PXN: variants seen among roughly 807,000 people sequenced by gnomAD.
PXN encodes paxillin.
In PXN, 61 loss-of-function variants were observed where a neutral mutation model predicts 103.6. The ratio of observed to expected loss-of-function variants is 0.59; its 90% CI spans 0.48 to 0.73. PXN has a LOEUF of 0.73. PXN is among the 30% of genes least tolerant of loss of function. The probability of loss-of-function intolerance (pLI) is 0.00; values close to 1 mark genes in which losing one functional copy is unlikely to be tolerated. For missense variants in PXN, 1,274 were observed against 1,460.3 expected (o/e 0.87, Z 2.08); for synonymous variants, 562 against 607.8 (o/e 0.92, Z 1.11).
chr12:120,243,336 G>A (rs1890486310), intron 1 of PXN, among the ~76,000 whole-genome samples: 1 of 152,184 alleles, frequency 6.6e-6, no homozygotes, highest in Non-Finnish European at 1.5e-5. Context: ...ATTACAGAAT[G>A]ACCATTTAAG....
In PXN at chr12:120,217,228, G is replaced by C; in HGVS notation, c.1717-112C>G. Reference sequence around the variant, plus strand: ...GGGAGCACAAAAGAAAACCACCAAAGAACCAAGCGGAGGTGGGTGGAGGCA... The same window carrying C: ...GGGAGCACAAAAGAAAACCACCAAACAACCAAGCGGAGGTGGGTGGAGGCA... On this transcript the variant is annotated intron_variant, in intron 7 of 14. Transcript: ENST00000637617. This position sits in a 1 kb window ranked among gnomAD's most constrained non-coding sequence, Gnocchi z 4.1. The C allele has an allele frequency of 4.9e-4, 431 of 886,338 alleles. No homozygotes were observed. Among genetic ancestry groups the C allele is most frequent in the East Asian group, 5.1e-4 (17 of 33,136 alleles). The allele number at this position is 886,338 out of a possible 1,614,324, so 54.9% of individuals were successfully genotyped here.
At chr12:120,237,148 TACACACACACACACACAC>T (rs201905149) in intron 1 of PXN, among the ~76,000 whole-genome samples, 2 of 137,552 alleles carry the variant, frequency 1.5e-5, no homozygotes, top group African/African-American at 2.8e-5. Flanking sequence ...TGTGTGTGTA[TACACACACACACACACAC>T]ACACACACAC....
chr12:120,227,960 G>A (rs1887235612), intron 1 of PXN, among the ~76,000 whole-genome samples: 1 of 152,202 alleles, frequency 6.6e-6, no homozygotes, highest in Non-Finnish European at 1.5e-5. Flanking sequence ...CTTGAAGGCA[G>A]AGCCCCATCC....
Position 120,215,919 on chromosome 12 carries a change from TGAG to T in PXN, c.2302-261_2302-259del, listed in dbSNP as rs1566361425. On this transcript the variant is annotated intron_variant, in intron 9 of 14. Coordinates refer to ENST00000637617, the MANE Select transcript of PXN (RefSeq NM_001385981.1). The surrounding 1 kb of genome is among the most constrained non-coding windows in gnomAD (Gnocchi z 4.9). ...AAGGGGAGGTGGCCGGGCTCAGTGATGAGGCCTCACCGGGCGCTGGGCCTGGGG... is the reference window on the plus strand; with the variant it reads ...AAGGGGAGGTGGCCGGGCTCAGTGATGCCTCACCGGGCGCTGGGCCTGGGG... 7.2e-7 allele frequency: 1 copy of T among 1,394,100 alleles called. No homozygotes were observed. The highest frequency in any genetic ancestry group is 1.5e-5 in the African/African-American group (1 of 67,914). The allele number at this position is 1,394,100 out of a possible 1,614,324, so 86.4% of individuals were successfully genotyped here. A position where few individuals can be genotyped will look rare whatever the true frequency, so the allele number is the denominator to read the frequency against.
At position 120,222,441 on chromosome 12, in the gene PXN, C is replaced by T; in HGVS notation, c.695+108G>A. ...TATCCCCCCAGTGCCTGGCAAATGG[C>T]AGACACGGGAGGGAGTGGGTGATAC... On this transcript the variant is annotated intron_variant, in intron 5 of 14. Transcript: ENST00000637617. This position sits in a 1 kb window ranked among gnomAD's most constrained non-coding sequence, Gnocchi z 4.7. 7.9e-7 allele frequency: 1 copy of T among 1,260,792 alleles called. No individual in the cohort carries two copies. Among genetic ancestry groups the T allele is most frequent in the Non-Finnish European group, 1.1e-6 (1 of 927,604 alleles). The allele number at this position is 1,260,792 out of a possible 1,614,324, so 78.1% of individuals were successfully genotyped here. A position where few individuals can be genotyped will look rare whatever the true frequency, so the allele number is the denominator to read the frequency against.
Position 120,217,138 on chromosome 12 carries a change from G to A in PXN, c.1717-22C>T, listed in dbSNP as rs768418791. 29 of 1,547,268 alleles carry A rather than the reference G, an allele frequency of 1.9e-5. No individual in the cohort carries two copies. The Admixed American group carries it at 5.2e-4, about 28-fold the overall frequency. On this transcript the variant is annotated intron_variant, in intron 7 of 14. Transcript: ENST00000637617. This position sits in a 1 kb window ranked among gnomAD's most constrained non-coding sequence, Gnocchi z 4.1. ...GGATCTAGGGGGAGGGGGAGGGGAG[G>A]CTGTCACCGTCCCACTCCCAGCTTG...
At position 120,214,139 on chromosome 12, in the gene PXN, C is replaced by G. The variant is rs964600835; in HGVS notation, c.2827G>C (p.Glu943Gln). 10 of 1,552,792 alleles carry G rather than the reference C, an allele frequency of 6.4e-6. No homozygotes were observed. In the African/African-American group the frequency reaches 1.1e-4, roughly 17 times the overall value. Residue 943 changes from glutamate (E) to glutamine (Q), a missense_variant, in exon 13 of 15, where the codon GAA (glutamate) becomes CAA (glutamine). Physicochemically the swap from Glu to Gln is conservative, Grantham distance 29 (BLOSUM62 2). Coordinates refer to ENST00000637617, the MANE Select transcript of PXN (RefSeq NM_001385981.1). The surrounding 1 kb of genome is among the most constrained non-coding windows in gnomAD (Gnocchi z 5.0). The stretch of plus-strand genomic sequence containing the variant: ...AGTCCGCCGGTCCAGCCCGTACCTT[C>G]GGGACCAAAGAAGGCTCCACACTGT... ...CAQCGAFFGP[E>Q]GFHEKDGKAY...
intron 1 of PXN, among the ~76,000 whole-genome samples, chr12:120,239,311 G>A (rs890899324): frequency 4.6e-5 from 7 of 152,094 alleles, no homozygotes; most frequent in Middle Eastern, 6.8e-3. Context: ...AGGCCAGGCG[G>A]GGTGGCTCAC....
intron 1 of PXN, among the ~76,000 whole-genome samples, chr12:120,259,677 T>C (rs901112305): frequency 3.3e-5 from 5 of 152,080 alleles, no homozygotes; most frequent in Non-Finnish European, 5.9e-5. Flanking sequence ...GGTTAGTTAG[T>C]TGGAAGACTT....
chr12:120,225,996 A>G lies in PXN; in HGVS notation c.14-1619T>C, dbSNP rs1886767297. 1.3e-5 allele frequency: 13 copies of G among 1,012,376 alleles called. No homozygotes were observed. The highest frequency in any genetic ancestry group is 1.6e-5 in the Non-Finnish European group (13 of 821,186). The allele number at this position is 1,012,376 out of a possible 1,614,324, so 62.7% of individuals were successfully genotyped here. On this transcript the variant is annotated intron_variant, in intron 1 of 14. Coordinates refer to ENST00000637617, the MANE Select transcript of PXN (RefSeq NM_001385981.1). This position sits in a 1 kb window ranked among gnomAD's most constrained non-coding sequence, Gnocchi z 4.4. ...GGTCGCCTGACCTCCAAGGAAGTTC[A>G]GGTCCTACAGCCCGCCCCGCCCTCC... is the stretch of plus-strand genomic sequence containing the variant.
chr12:120,256,827 C>T (rs1464616712), intron 1 of PXN, among the ~76,000 whole-genome samples: 1 of 152,140 alleles, frequency 6.6e-6, no homozygotes, highest in African/African-American at 2.4e-5. Context: ...AAGGAATTCT[C>T]CTGCCTCAGC....
Position 120,262,093 on chromosome 12 carries a change from A to T in PXN, c.13+3524T>A, listed in dbSNP as rs78693698. On this transcript the variant is annotated intron_variant, in intron 1 of 14. Coordinates refer to ENST00000637617, the MANE Select transcript of PXN (RefSeq NM_001385981.1). ...AGAGGGACCACAGACAGGAAAGCCC[A>T]AAGTCCAGACTTTCCATGGAAACAG... Among the ~76,000 whole-genome samples, 1,196 of 152,324 alleles carry T rather than the reference A, an allele frequency of 7.9e-3. 26 individuals carry two copies. In the East Asian group the frequency reaches 0.1, roughly 13 times the overall value.
intron 3 of PXN, 83 bp downstream of exon 3, chr12:120,223,635 G>T: frequency 9.2e-7 from 1 of 1,084,824 alleles, no homozygotes; most frequent in Non-Finnish European, 1.3e-6. Context: ...CCTGCTCCCG[G>T]GCCTCCGCTG....
intron 1 of PXN, among the ~76,000 whole-genome samples, chr12:120,252,922 C>A (rs1892414945): frequency 6.7e-6 from 1 of 149,678 alleles, no homozygotes; most frequent in Admixed American, 6.7e-5. Flanking sequence ...TGCTTGAACC[C>A]AGGAGGCGGA....
rs1227336407 is a variant in PXN, at chr12:120,214,753, C to T, written c.2748+72G>A. The T allele has an allele frequency of 5.1e-6, 8 of 1,578,228 alleles. No homozygotes were observed. Among genetic ancestry groups the T allele is most frequent in the Non-Finnish European group, 6.9e-6 (8 of 1,156,302 alleles). Reference sequence around the variant, plus strand: ...CCTCTCTGAGCCTCCCACGGCACCCCCTGCATCCTCAGAGGGCTGCGGTGA... The same window carrying T: ...CCTCTCTGAGCCTCCCACGGCACCCTCTGCATCCTCAGAGGGCTGCGGTGA... On this transcript the variant is annotated intron_variant, in intron 12 of 14. Transcript: ENST00000637617. The surrounding 1 kb of genome is among the most constrained non-coding windows in gnomAD (Gnocchi z 5.0).
rs375085654 is a variant in PXN, at chr12:120,251,941, C to T, written c.13+13676G>A. On this transcript the variant is annotated intron_variant, in intron 1 of 14. Coordinates refer to ENST00000637617, the MANE Select transcript of PXN (RefSeq NM_001385981.1). ...GATAACCATCACCAGTTACTGAGCA[C>T]TTTGAAAGTATTTCGGGAAAGTATG... Among the ~76,000 whole-genome samples, 120 of 152,300 alleles carry T rather than the reference C, an allele frequency of 7.9e-4. 5 individuals carry two copies. The South Asian group carries it at 0.025, about 32-fold the overall frequency.
rs1206060056 is a variant in PXN at position 120,225,645 on chromosome 12, C to A, written c.14-1268G>T. Among the ~76,000 whole-genome samples, 2 of 152,150 alleles carry A rather than the reference C, an allele frequency of 1.3e-5. No homozygotes were observed. Among genetic ancestry groups the A allele is most frequent in the African/African-American group, 4.8e-5 (2 of 41,438 alleles). ...TGTCTGACTCCTCAGAAGCCCCAAA[C>A]CCCAAAAACCTGGCCTGTAAGAGGC... On this transcript the variant is annotated intron_variant, in intron 1 of 14. Coordinates refer to ENST00000637617, the MANE Select transcript of PXN (RefSeq NM_001385981.1). This position sits in a 1 kb window ranked among gnomAD's most constrained non-coding sequence, Gnocchi z 4.4.
At position 120,224,454 on chromosome 12, in the gene PXN, G is replaced by T; in HGVS notation, c.14-77C>A. ...TCCCGTGGCAGGGCCCTCCCTGCCT[G>T]CACCTCAAGAGTTAATGCCTTCTAG... On this transcript the variant is annotated intron_variant, in intron 1 of 14. Coordinates refer to ENST00000637617, the MANE Select transcript of PXN (RefSeq NM_001385981.1). The surrounding 1 kb of genome is among the most constrained non-coding windows in gnomAD (Gnocchi z 5.0). 9.5e-7 allele frequency: 1 copy of T among 1,048,900 alleles called. No homozygotes were observed. Among genetic ancestry groups the T allele is most frequent in the Non-Finnish European group, 1.5e-6 (1 of 668,894 alleles). The allele number at this position is 1,048,900 out of a possible 1,614,324, so 65.0% of individuals were successfully genotyped here. A position where few individuals can be genotyped will look rare whatever the true frequency, so the allele number is the denominator to read the frequency against.
chr12:120,251,445 AGGT>A (rs1282223004), intron 1 of PXN, among the ~76,000 whole-genome samples: 2 of 151,940 alleles, frequency 1.3e-5, no homozygotes, highest in East Asian at 3.9e-4. Context: ...TGAACATGGG[AGGT>A]GGAGGCTGCA....
Sources: gnomAD v4.1 joint callset for allele counts (sites outside exome capture counted in the v4.1 genomes callset) on GRCh38, gnomAD v4.1.1 for gene constraint, Gnocchi (gnomAD v3.1) non-coding constraint, MANE v1.5 for transcripts, NCBI Gene and HGNC (gene_info 2026-07-23, HGNC 2026-07-21) for gene names.